Variants in POLR1A observed in about 807,000 individuals in gnomAD.
POLR1A encodes RNA polymerase I subunit A.
A neutral mutation model predicts 205.3 loss-of-function variants in POLR1A; 84 were observed. The observed-to-expected ratio is 0.41, with a 90% CI of 0.34 to 0.49. The LOEUF (loss-of-function observed/expected upper bound fraction) is 0.49, where lower values mean the gene tolerates loss of function less well. Ranked by LOEUF, POLR1A falls within the 20% of genes least tolerant of loss-of-function variation. The pLI is 0.22. For missense variants in POLR1A, 1,645 were observed against 2,204.5 expected, an observed-to-expected ratio of 0.75 and a Z score of 5.08; for synonymous variants, 799 against 863.7, an observed-to-expected ratio of 0.93 and a Z score of 1.31.
chr2:86,073,792 C>A (rs1306672952), intron 12 of POLR1A, among the ~76,000 whole-genome samples: 1 of 152,192 alleles, frequency 6.6e-6, no homozygotes, highest in African/African-American at 2.4e-5. Flanking sequence ...ACTGCCTCAT[C>A]CCTCACCCCT....
At position 86,075,131 on chromosome 2, in the gene POLR1A, G is replaced by A. The variant is rs575616684; in HGVS notation, c.1510C>T (p.Arg504Cys). 7.4e-6 allele frequency: 12 copies of A among 1,613,566 alleles called. No individual in the cohort carries two copies. Among genetic ancestry groups the A allele is most frequent in the East Asian group, 6.7e-5 (3 of 44,870 alleles). ...ASMVINEDGS[R>C]TALSAVDMTQ... Reference sequence around the variant, plus strand: ...ATGTCCACAGCGCTCAGGGCTGTGCGGCTGCCGTCCTCATTGATGACCATG... The same window carrying A: ...ATGTCCACAGCGCTCAGGGCTGTGCAGCTGCCGTCCTCATTGATGACCATG... The change falls in exon 12 of 34, where the codon CGC becomes TGC. Residue 504 changes from arginine (R) to cysteine (C), a missense_variant. By Grantham distance (180) the Arg-to-Cys change is radical. Around this residue, in one of 16 missense-constraint regions of POLR1A, gnomAD observed 131 missense variants for 214.5 expected, o/e 0.61. Coordinates refer to ENST00000263857, the MANE Select transcript of POLR1A (RefSeq NM_015425.6).
intron 3 of POLR1A, among the ~76,000 whole-genome samples, chr2:86,095,893 A>C (rs1288007512): frequency 2.6e-5 from 4 of 152,046 alleles, no homozygotes; most frequent in East Asian, 3.9e-4. Flanking sequence ...ACCCCCAGCT[A>C]ATTTTTTTGT....
intron 14 of POLR1A, among the ~76,000 whole-genome samples, chr2:86,057,221 T>C (rs1348246270): frequency 6.6e-6 from 1 of 152,058 alleles, no homozygotes; most frequent in East Asian, 1.9e-4. Context: ...TTTCAGAGGG[T>C]CAAGACTTCA....
intron 1 of POLR1A, 44 bp from the exon 2 acceptor site, chr2:86,100,216 C>A: frequency 7.0e-7 from 1 of 1,432,218 alleles, no homozygotes; most frequent in Non-Finnish European, 9.9e-7. Context: ...AAGTTACCAA[C>A]CTCTCTGATG....
chr2:86,067,299 T>C (rs1256561979), intron 13 of POLR1A, among the ~76,000 whole-genome samples: 1 of 152,242 alleles, frequency 6.6e-6, no homozygotes, highest in Non-Finnish European at 1.5e-5. Flanking sequence ...ACAATTAATG[T>C]CTCTGGTTAG....
chr2:86,040,555 T>C lies in POLR1A; in HGVS notation c.3577A>G (p.Arg1193Gly). ...TGCCACTTCAGCTGCAGCAAGGTCC[T>C]CAACCTAGAGACGGTGGTGGGGGGT... ...EKSELSLDRL[R>G]TLLQLKWQRS... is the part of the protein sequence containing the mutation. The change falls in exon 25 of 34, where the codon AGG becomes GGG. Residue 1193 changes from arginine (R) to glycine (G), a missense_variant. By Grantham distance (125) the Arg-to-Gly change is moderately radical. This residue lies in a region of POLR1A where 201 missense variants were observed against 222.3 expected (regional missense o/e 0.90). Coordinates refer to ENST00000263857, the MANE Select transcript of POLR1A (RefSeq NM_015425.6). 1 of 1,572,184 alleles carries C rather than the reference T, an allele frequency of 6.4e-7. No homozygotes were observed. The highest frequency in any genetic ancestry group is 1.2e-5 in the South Asian group (1 of 86,524).
At position 86,075,709 on chromosome 2, in the gene POLR1A, T is replaced by C. The variant is rs140392103; in HGVS notation, c.1381-449A>G. The stretch of plus-strand genomic sequence containing the variant: ...TTTTAGTAGAGACAGGGTTTCTCCA[T>C]GCTGGTCAGGCTGGTAGCAAACTCC... On this transcript the variant is annotated intron_variant, in intron 11 of 33. Transcript: ENST00000263857. Among the ~76,000 whole-genome samples the C allele has an allele frequency of 1.9e-3, 284 of 152,340 alleles. 1 individual carries two copies. The highest frequency in any genetic ancestry group is 6.4e-3 in the African/African-American group (265 of 41,568).
At position 86,027,366 on chromosome 2, in the gene POLR1A, TGGGCCACGC is replaced by T; in HGVS notation, c.*48_*56del. The T allele has an allele frequency of 7.1e-7, 1 of 1,400,930 alleles. No homozygotes were observed. 86.8% of individuals were successfully genotyped at this position (1,400,930 alleles called of 1,614,324 possible). Reference sequence around the variant, plus strand: ...TGGTCCTCTCATGCAGAAGGCAGGCTGGGCCACGCCCTCACCAAGGGTCCTTGGAGCTGG... The same window carrying T: ...TGGTCCTCTCATGCAGAAGGCAGGCTCCTCACCAAGGGTCCTTGGAGCTGG... On this transcript the variant is annotated 3_prime_UTR_variant, in exon 34 of 34. Coordinates refer to ENST00000263857, the MANE Select transcript of POLR1A (RefSeq NM_015425.6).
intron 24 of POLR1A, among the ~76,000 whole-genome samples, chr2:86,041,187 G>GCA: frequency 4.7e-5 from 2 of 42,394 alleles, no homozygotes; most frequent in African/African-American, 1.4e-4. Context: ...GTGTGTGTGT[G>GCA]TGTGCGCGCT....
At chr2:86,052,687 T>A (rs1558769826) in intron 16 of POLR1A, 130 bp downstream of exon 16, 3 of 696,088 alleles carry the variant, frequency 4.3e-6, no homozygotes, top group Non-Finnish European at 6.8e-6. Flanking sequence ...TGGAAAGACT[T>A]CTCCACTGGG....
At chr2:86,059,110 C>T (rs1304267948) in intron 14 of POLR1A, among the ~76,000 whole-genome samples, 2 of 152,030 alleles carry the variant, frequency 1.3e-5, no homozygotes, top group Non-Finnish European at 2.9e-5. Context: ...TGTGGTATAC[C>T]CATATCACTG....
rs577448229 is a variant in POLR1A at position 86,078,266 on chromosome 2, C to T, written c.1105G>A (p.Ala369Thr). The change falls in exon 10 of 34, where the codon GCT becomes ACT. Residue 369 changes from alanine to threonine, a missense_variant. This residue lies in a region of POLR1A where 78 missense variants were observed against 77.7 expected (regional missense o/e 1.00). Coordinates refer to ENST00000263857, the MANE Select transcript of POLR1A (RefSeq NM_015425.6). ...GTACTCAAAAAGGATCGGTCAATAG[C>T]AATCAAAGAGTCTTTTTCCTGGAAG... is the stretch of plus-strand genomic sequence containing the variant. ...TTDEEKDSLIAIDRSFLSTLP... is the reference protein window; with the variant it reads ...TTDEEKDSLITIDRSFLSTLP... 5.1e-6 allele frequency: 8 copies of T among 1,573,894 alleles called. No individual in the cohort carries two copies. In the South Asian group the frequency reaches 7.1e-5, roughly 14 times the overall value.
chr2:86,101,976 T>C (rs1056341651), intron 1 of POLR1A, among the ~76,000 whole-genome samples: 3 of 152,244 alleles, frequency 2.0e-5, no homozygotes, highest in Non-Finnish European at 4.4e-5. Flanking sequence ...TTTTTCCTTT[T>C]TTAGGGCTGA....
chr2:86,103,788 C>G (rs1255406942), intron 1 of POLR1A, among the ~76,000 whole-genome samples: 1 of 152,134 alleles, frequency 6.6e-6, no homozygotes, highest in Non-Finnish European at 1.5e-5. Flanking sequence ...ACTAAAGCAC[C>G]ATGACAGACA....
chr2:86,068,437 T>A (rs1433422735), intron 13 of POLR1A, among the ~76,000 whole-genome samples: 1 of 137,768 alleles, frequency 7.3e-6, no homozygotes, highest in East Asian at 2.3e-4. Flanking sequence ...AGTCTTGGCC[T>A]CATTGCTGGC....
intron 12 of POLR1A, among the ~76,000 whole-genome samples, chr2:86,073,198 CAAAAAAAAATAAAAT>C (rs1673210401): frequency 3.1e-5 from 1 of 32,258 alleles, no homozygotes; most frequent in African/African-American, 1.3e-4. Context: ...GACCTTGTCT[CAAAAAAAAATAAAAT>C]AAAAAAAAAA....
intron 30 of POLR1A, among the ~76,000 whole-genome samples, chr2:86,030,703 G>A (rs923558454): frequency 6.6e-5 from 10 of 152,224 alleles, no homozygotes; most frequent in Admixed American, 2.6e-4. Context: ...CAGGGTACAC[G>A]TTGTTTCACG....
At position 86,077,855 on chromosome 2, in the gene POLR1A, A is replaced by C. The variant is rs1558779826; in HGVS notation, c.1380+4T>G. 10 of 1,595,104 alleles carry C rather than the reference A, an allele frequency of 6.3e-6. No individual in the cohort carries two copies. Among genetic ancestry groups the C allele is most frequent in the East Asian group, 4.5e-5 (2 of 44,258 alleles). On this transcript the variant is annotated splice_donor_region_variant and intron_variant, in intron 11 of 33. Coordinates refer to ENST00000263857, the MANE Select transcript of POLR1A (RefSeq NM_015425.6). ...CACACACACACACACACACACACAC[A>C]CACCATGGGAATTCCAATTTCGTTG... is the stretch of plus-strand genomic sequence containing the variant.
At chr2:86,058,020 A>C (rs1450376992) in intron 14 of POLR1A, among the ~76,000 whole-genome samples, 1 of 152,024 alleles carries the variant, frequency 6.6e-6, no homozygotes, top group Non-Finnish European at 1.5e-5. Context: ...CTGCAGCCTC[A>C]TACTCAGCCT....
Sources: allele counts gnomAD v4.1 joint callset (sites outside exome capture counted in the v4.1 genomes callset), GRCh38; gene constraint gnomAD v4.1.1; regional missense constraint gnomAD v4.1.1; transcripts MANE v1.5; gene names NCBI Gene and HGNC (gene_info 2026-07-23, HGNC 2026-07-21).